Variants in INPP4B observed in about 807,000 individuals in gnomAD.
The protein encoded by INPP4B is inositol polyphosphate 4-phosphatase type II.
In INPP4B, 55 loss-of-function variants were observed where a neutral mutation model predicts 122.5. That is an observed-to-expected ratio of 0.45 (90% CI 0.36 to 0.56). The LOEUF (loss-of-function observed/expected upper bound fraction) is 0.56. INPP4B is among the 20% of genes least tolerant of loss of function. INPP4B has a pLI of 0.00. For missense variants in INPP4B, 1,000 were observed against 1,097.7 expected (o/e 0.91, Z 1.26); for synonymous variants, 403 against 388.7 (o/e 1.04, Z -0.43).
rs775692058 is a variant in INPP4B at position 142,082,018 on chromosome 4, A to G, written c.2642+13T>C. 1.3e-5 allele frequency: 19 copies of G among 1,420,448 alleles called. No individual in the cohort carries two copies. The African/African-American group carries it at 2.7e-4, about 20-fold the overall frequency. 88.0% of individuals were successfully genotyped at this position (1,420,448 alleles called of 1,614,324 possible). A position where few individuals can be genotyped will look rare whatever the true frequency, so the allele number is the denominator to read the frequency against. On this transcript the variant is annotated intron_variant, in intron 25 of 25. Coordinates refer to ENST00000262992, the MANE Select transcript of INPP4B (RefSeq NM_001101669.3). ...ACCTTAAAAGAAAAAAACTTGAAAA[A>G]CATGTGAGATACCTTCTCATGCAAT...
intron 9 of INPP4B, among the ~76,000 whole-genome samples, chr4:142,279,544 G>GAAAAAAAAAAAAAA (rs71586271): frequency 7.5e-6 from 1 of 132,776 alleles, no homozygotes. Context: ...CATCCATTTG[G>GAAAAAAAAAAAAAA]AAAAAAAATA....
chr4:142,797,713 T>C (rs1561080473), intron 1 of INPP4B, among the ~76,000 whole-genome samples: 1 of 152,008 alleles, frequency 6.6e-6, no homozygotes, highest in Non-Finnish European at 1.5e-5. Context: ...TTTGTCATTT[T>C]TATCATTAAA....
chr4:142,698,683 C>T (rs1761327569), intron 2 of INPP4B, among the ~76,000 whole-genome samples: 1 of 152,188 alleles, frequency 6.6e-6, no homozygotes, highest in Non-Finnish European at 1.5e-5. Flanking sequence ...TCCTGGCAGA[C>T]CTGAACTACC....
chr4:142,170,969 A>T (rs536719310), intron 16 of INPP4B, among the ~76,000 whole-genome samples: 46 of 151,806 alleles, frequency 3.0e-4, no homozygotes, highest in African/African-American at 1.1e-3. Context: ...AGATGATGTA[A>T]ATTGCCTTTG....
At chr4:142,732,139 G>T (rs1300545443) in intron 1 of INPP4B, among the ~76,000 whole-genome samples, 2 of 152,100 alleles carry the variant, frequency 1.3e-5, no homozygotes, top group Non-Finnish European at 2.9e-5. Context: ...ATGTAGTACA[G>T]TATCATTATT....
chr4:142,379,138 A>G (rs1561968108), intron 7 of INPP4B, among the ~76,000 whole-genome samples: 1 of 152,188 alleles, frequency 6.6e-6, no homozygotes, highest in Non-Finnish European at 1.5e-5. Flanking sequence ...AGTACATTAC[A>G]TAAAATTTAA....
At chr4:142,385,110 C>A (rs1795519262) in intron 7 of INPP4B, among the ~76,000 whole-genome samples, 1 of 152,124 alleles carries the variant, frequency 6.6e-6, no homozygotes, top group Non-Finnish European at 1.5e-5. Flanking sequence ...ATTTATATTT[C>A]TTTGGGTAAA....
At chr4:142,332,062 G>A (rs989313536) in intron 7 of INPP4B, among the ~76,000 whole-genome samples, 3 of 152,054 alleles carry the variant, frequency 2.0e-5, no homozygotes, top group South Asian at 2.1e-4. Flanking sequence ...AGCCAATAGA[G>A]GTTTCCTTAA....
chr4:142,025,087 A>T lies in INPP4B; in HGVS notation c.*3695T>A, dbSNP rs762421464. The T allele has an allele frequency of 6.6e-6, 1 of 152,180 alleles. No homozygotes were observed. Among genetic ancestry groups the T allele is most frequent in the Non-Finnish European group, 1.5e-5 (1 of 68,026 alleles). The allele number at this position is 152,180 out of a possible 1,614,324, so 9.4% of individuals were successfully genotyped here. A position where few individuals can be genotyped will look rare whatever the true frequency, so the allele number is the denominator to read the frequency against. ...TCCAATAATTTATTTCCTAATAAAAAAAAAAGAATATGGCATTCATTGTGT... is the reference window on the plus strand; with the variant it reads ...TCCAATAATTTATTTCCTAATAAAATAAAAAGAATATGGCATTCATTGTGT... On this transcript the variant is annotated 3_prime_UTR_variant, in exon 26 of 26. Transcript: ENST00000262992.
intron 7 of INPP4B, among the ~76,000 whole-genome samples, chr4:142,364,149 T>G (rs988013651): frequency 3.0e-4 from 45 of 152,098 alleles, no homozygotes; most frequent in African/African-American, 1.0e-3. Context: ...CAATAGGACT[T>G]CTCCTTTTGC....
intron 1 of INPP4B, among the ~76,000 whole-genome samples, chr4:142,742,044 T>C (rs1392317693): frequency 6.6e-6 from 1 of 151,984 alleles, no homozygotes; most frequent in Non-Finnish European, 1.5e-5. Flanking sequence ...AACAGTAGAA[T>C]ACCAACGATA....
chr4:142,814,570 G>A (rs1779900741), intron 1 of INPP4B, among the ~76,000 whole-genome samples: 2 of 152,062 alleles, frequency 1.3e-5, no homozygotes, highest in South Asian at 4.1e-4. Flanking sequence ...TGTATGAAGA[G>A]GGAAAGAGAT....
At chr4:142,416,031 A>G (rs1383319053) in intron 5 of INPP4B, among the ~76,000 whole-genome samples, 1 of 152,058 alleles carries the variant, frequency 6.6e-6, no homozygotes, top group Non-Finnish European at 1.5e-5. Flanking sequence ...GAGGGATAGC[A>G]TTAGGAGATA....
At chr4:142,461,209 G>A (rs1486063913) in intron 3 of INPP4B, among the ~76,000 whole-genome samples, 1 of 152,138 alleles carries the variant, frequency 6.6e-6, no homozygotes, top group African/African-American at 2.4e-5. Flanking sequence ...ATTTCTTAGA[G>A]ATCAAATCAT....
At chr4:142,368,225 A>G (rs1296843790) in intron 7 of INPP4B, among the ~76,000 whole-genome samples, 5 of 152,200 alleles carry the variant, frequency 3.3e-5, no homozygotes, top group South Asian at 4.1e-4. Flanking sequence ...AGTTATCATT[A>G]TAATAATAAA....
At chr4:142,737,410 T>C (rs1002378571) in intron 1 of INPP4B, among the ~76,000 whole-genome samples, 49 of 152,322 alleles carry the variant, frequency 3.2e-4, no homozygotes, top group Admixed American at 1.2e-3. Flanking sequence ...GCTAGCTATA[T>C]GTAGAAAGCT....
chr4:142,148,550 GC>G (rs1812048124), intron 17 of INPP4B, among the ~76,000 whole-genome samples: 1 of 151,908 alleles, frequency 6.6e-6, no homozygotes. Flanking sequence ...AAGTCGCGTT[GC>G]ATGTTGCTTT....
chr4:142,031,832 T>C (rs1406086515), intron 25 of INPP4B, among the ~76,000 whole-genome samples: 1 of 152,194 alleles, frequency 6.6e-6, no homozygotes, highest in East Asian at 1.9e-4. Context: ...ACCCAAAGTT[T>C]TTAGTGTCTA....
At chr4:142,201,413 T>G (rs1840584025) in intron 14 of INPP4B, among the ~76,000 whole-genome samples, 1 of 152,130 alleles carries the variant, frequency 6.6e-6, no homozygotes, top group Admixed American at 6.6e-5. Context: ...TTAGGTAATC[T>G]TCTTAATATT....
Sources: allele counts gnomAD v4.1 joint callset (sites outside exome capture counted in the v4.1 genomes callset), GRCh38; gene constraint gnomAD v4.1.1; transcripts MANE v1.5; gene names NCBI Gene and HGNC (gene_info 2026-07-23, HGNC 2026-07-21).